Variants in ABCG8 observed in about 807,000 individuals in gnomAD.
The protein encoded by ABCG8 is ATP binding cassette subfamily G member 8, also known as ATP-binding cassette sub-family G member 8.
ABCG8 carries 81 observed loss-of-function variants against 71.3 expected under a neutral mutation model. The ratio of observed to expected loss-of-function variants is 1.14; its 90% confidence interval spans 0.95 to 1.37. The LOEUF is 1.37. Ranked by LOEUF, ABCG8 falls within the 40% of genes most tolerant of loss-of-function variation. ABCG8 has a pLI of 0.00. For missense variants in ABCG8, 1,119 were observed against 866.2 expected (o/e 1.29, Z -3.66); for synonymous variants, 451 against 354.7 (o/e 1.27, Z -3.05).
chr2:43,851,913 A>T, intron 4 of ABCG8, 91 bp downstream of exon 4: 1 of 1,430,572 alleles, frequency 7.0e-7, no homozygotes, highest in Non-Finnish European at 9.8e-7. Context: ...CTCAGGACCC[A>T]GCCGCAGGTC....
intron 8 of ABCG8, among the ~76,000 whole-genome samples, 182 bp from the exon 9 acceptor site, chr2:43,873,605 A>C (rs1280475597): frequency 6.6e-6 from 1 of 152,152 alleles, no homozygotes; most frequent in Non-Finnish European, 1.5e-5. Context: ...TTGAGTACCT[A>C]CTGTGGGACA....
At position 43,878,402 on chromosome 2, in the gene ABCG8, C is replaced by G. The variant is rs1670031216; in HGVS notation, c.*489C>G. Reference sequence around the variant, plus strand: ...ATGTACCAGCAAGATGCCATCCCTTCTTTTTGTGTGGGGTCATGGGCTCCA... The same window carrying G: ...ATGTACCAGCAAGATGCCATCCCTTGTTTTTGTGTGGGGTCATGGGCTCCA... On this transcript the variant is annotated 3_prime_UTR_variant, in exon 13 of 13. Transcript: ENST00000272286. 4.3e-6 allele frequency: 1 copy of G among 232,842 alleles called. No individual in the cohort carries two copies. Among genetic ancestry groups the G allele is most frequent in the Admixed American group, 5.0e-5 (1 of 19,818 alleles). 14.4% of individuals were successfully genotyped at this position (232,842 alleles called of 1,614,324 possible). A position where few individuals can be genotyped will look rare whatever the true frequency, so the allele number is the denominator to read the frequency against.
chr2:43,852,399 A>G lies in ABCG8; in HGVS notation c.607A>G (p.Thr203Ala). 6.2e-7 allele frequency: 1 copy of G among 1,612,326 alleles called. No homozygotes were observed. Among genetic ancestry groups the G allele is most frequent in the Non-Finnish European group, 8.5e-7 (1 of 1,180,018 alleles). Residue 203 changes from threonine (T) to alanine (A), a missense_variant, in exon 5 of 13, where the codon ACC (threonine) becomes GCC (alanine). Transcript: ENST00000272286. ...AELRLRQCADTRVGNMYVRGL... is the reference protein window; with the variant it reads ...AELRLRQCADARVGNMYVRGL... ...GCTGCGGCTTAGGCAGTGCGCTGAC[A>G]CCCGCGTGGGCAACATGTACGTGCG...
chr2:43,846,983 C>T (rs984174391), intron 3 of ABCG8: 17 of 96,658 alleles, frequency 1.8e-4, no homozygotes, highest in African/African-American at 7.7e-4. Context: ...CTCCTGCACG[C>T]GCGCGTGCAC....
intron 6 of ABCG8, among the ~76,000 whole-genome samples, chr2:43,869,644 C>T (rs1326539553): frequency 2.7e-5 from 4 of 147,536 alleles, no homozygotes; most frequent in African/African-American, 1.0e-4. Context: ...GAACTGTCAC[C>T]CTGTGGATAG....
At chr2:43,846,870 G>A (rs1668758551) in intron 3 of ABCG8, 1 of 185,830 alleles carries the variant, frequency 5.4e-6, no homozygotes, top group African/African-American at 2.4e-5. Flanking sequence ...GGGGAACAGA[G>A]GTCATTCTCA....
intron 6 of ABCG8, among the ~76,000 whole-genome samples, chr2:43,859,855 T>C (rs1241663492): frequency 1.3e-5 from 2 of 151,556 alleles, no homozygotes; most frequent in South Asian, 4.1e-4. Context: ...CTGGATAGAA[T>C]TCTCACTCTC....
rs74358901 is a variant in ABCG8, at chr2:43,851,752, G to A, written c.491G>A (p.Arg164Gln). Residue 164 changes from arginine to glutamine, a missense_variant, in exon 4 of 13, where the codon CGA becomes CAA. Transcript: ENST00000272286. ...CAGCTGCTCCCCAACTTGACTGTGC[G>A]AGAGACCTTGGCCTTCATTGCCCAG... Reference protein sequence around the residue: ...HNQLLPNLTVRETLAFIAQMR... With the variant: ...HNQLLPNLTVQETLAFIAQMR... 699 of 1,614,230 alleles carry A rather than the reference G, an allele frequency of 4.3e-4. No individual in the cohort carries two copies. The African/African-American group carries it at 8.1e-3, about 19-fold the overall frequency.
chr2:43,849,245 G>A (rs1668838684), intron 3 of ABCG8, among the ~76,000 whole-genome samples: 1 of 151,626 alleles, frequency 6.6e-6, no homozygotes, highest in South Asian at 2.1e-4. Context: ...AGAACTACCT[G>A]AGACTGGGTA....
At chr2:43,872,925 G>A (rs1048723306) in intron 8 of ABCG8, among the ~76,000 whole-genome samples, 4 of 152,098 alleles carry the variant, frequency 2.6e-5, no homozygotes, top group East Asian at 1.9e-4. Flanking sequence ...AAAGCCAGAC[G>A]GCACTGTGTG....
At position 43,880,649 on chromosome 2, in the gene ABCG8, AGT is replaced by A. The variant is rs143392708; in HGVS notation, c.*2750_*2751del. 1.7e-4 allele frequency: 26 copies of A among 151,002 alleles called. No individual in the cohort carries two copies. The highest frequency in any genetic ancestry group is 2.9e-4 in the Non-Finnish European group (20 of 67,826). The allele number at this position is 151,002 out of a possible 1,614,324, so 9.4% of individuals were successfully genotyped here. Reference sequence around the variant, plus strand: ...GCTCTCTCAGTGAACAGAGTTAGGGAGTGTGTGTGTGTGTGCGCGCGCGCGCG... The same window carrying A: ...GCTCTCTCAGTGAACAGAGTTAGGGAGTGTGTGTGTGTGCGCGCGCGCGCG... On this transcript the variant is annotated 3_prime_UTR_variant, in exon 13 of 13. Coordinates refer to ENST00000272286, the MANE Select transcript of ABCG8 (RefSeq NM_022437.3).
At chr2:43,858,600 G>C (rs1182285567) in intron 6 of ABCG8, among the ~76,000 whole-genome samples, 7 of 151,058 alleles carry the variant, frequency 4.6e-5, no homozygotes, top group African/African-American at 1.7e-4. Flanking sequence ...CTATTTTTCT[G>C]TATAGAACTC....
At position 43,878,442 on chromosome 2, in the gene ABCG8, C is replaced by A. The variant is rs1670032833; in HGVS notation, c.*529C>A. On this transcript the variant is annotated 3_prime_UTR_variant, in exon 13 of 13. Coordinates refer to ENST00000272286, the MANE Select transcript of ABCG8 (RefSeq NM_022437.3). Reference sequence around the variant, plus strand: ...CATGGGCTCCAAAAGCCAACGTGAACAATTAAAAATGTATTGAGCATCTAC... The same window carrying A: ...CATGGGCTCCAAAAGCCAACGTGAAAAATTAAAAATGTATTGAGCATCTAC... 9.4e-6 allele frequency: 2 copies of A among 212,596 alleles called. No homozygotes were observed. The highest frequency in any genetic ancestry group is 8.7e-5 in the South Asian group (1 of 11,522). The allele number at this position is 212,596 out of a possible 1,614,324, so 13.2% of individuals were successfully genotyped here. A position where few individuals can be genotyped will look rare whatever the true frequency, so the allele number is the denominator to read the frequency against.
intron 11 of ABCG8, among the ~76,000 whole-genome samples, chr2:43,876,098 T>C (rs17606027): frequency 0.15 from 23,395 of 152,120 alleles, 2,238 homozygotes; most frequent in East Asian, 0.44. Flanking sequence ...CAGGCTCCAT[T>C]GTCTCTGGTG....
At position 43,852,997 on chromosome 2, in the gene ABCG8, A is replaced by G. The variant is rs1473528952; in HGVS notation, c.964+129A>G. 3 of 1,179,820 alleles carry G rather than the reference A, an allele frequency of 2.5e-6. No homozygotes were observed. In the African/African-American group the frequency reaches 4.9e-5, roughly 19 times the overall value. 73.1% of individuals were successfully genotyped at this position (1,179,820 alleles called of 1,614,324 possible). A position where few individuals can be genotyped will look rare whatever the true frequency, so the allele number is the denominator to read the frequency against. The stretch of plus-strand genomic sequence containing the variant: ...AGGTTTCAGGAGAGGAGGAGCAATG[A>G]TGGGGAAGAACATGGGGTGGTTTGC... On this transcript the variant is annotated intron_variant, in intron 6 of 12. Coordinates refer to ENST00000272286, the MANE Select transcript of ABCG8 (RefSeq NM_022437.3).
At chr2:43,873,691 A>G in intron 8 of ABCG8, 96 bp from the exon 9 acceptor site, 1 of 1,248,234 alleles carries the variant, frequency 8.0e-7, no homozygotes. Context: ...CATTTTGCAT[A>G]GGAGAAAAAT....
Position 43,852,733 on chromosome 2 carries a change from T to C in ABCG8, c.829T>C (p.Phe277Leu), listed in dbSNP as rs1188071399. The change falls in exon 6 of 13, where the codon TTC (phenylalanine) becomes CTC (leucine). Residue 277 changes from phenylalanine (F) to leucine (L), a missense_variant. By Grantham distance (22) the Phe-to-Leu change is conservative. Coordinates refer to ENST00000272286, the MANE Select transcript of ABCG8 (RefSeq NM_022437.3). ...CCTCCACCAGCCTCGCTCTGACATC[T>C]TCAGGCTGTTTGATCTGGTCCTCCT... Reference protein sequence around the residue: ...ISLHQPRSDIFRLFDLVLLMT... With the variant: ...ISLHQPRSDILRLFDLVLLMT... 6.2e-7 allele frequency: 1 copy of C among 1,614,042 alleles called. No homozygotes were observed. The highest frequency in any genetic ancestry group is 1.3e-5 in the African/African-American group (1 of 74,920).
At chr2:43,854,377 C>T (rs192734483) in intron 6 of ABCG8, among the ~76,000 whole-genome samples, 1 of 152,218 alleles carries the variant, frequency 6.6e-6, no homozygotes, top group Non-Finnish European at 1.5e-5. Context: ...CCTGTAATCC[C>T]AGCACTTTCA....
Position 43,844,549 on chromosome 2 carries a change from C to T in ABCG8, c.106C>T (p.Leu36=), listed in dbSNP as rs780526039. 1.1e-5 allele frequency: 17 copies of T among 1,614,080 alleles called. No homozygotes were observed. The South Asian group carries it at 1.1e-4, about 10-fold the overall frequency. Residue 36 remains leucine (L), a synonymous_variant, in exon 2 of 13, where the codon CTG becomes TTG. Coordinates refer to ENST00000272286, the MANE Select transcript of ABCG8 (RefSeq NM_022437.3). ...GTTCTCCTCTGAAAGTGACAACAGC[C>T]TGTACTTCACCTACAGTGGCCAGCC... ...RLFSSESDNS[L]YFTYSGQPNT...
Sources: allele counts gnomAD v4.1 joint callset (sites outside exome capture counted in the v4.1 genomes callset), GRCh38; gene constraint gnomAD v4.1.1; transcripts MANE v1.5; gene names NCBI Gene and HGNC (gene_info 2026-07-23, HGNC 2026-07-21).